Variants in TMC5 observed in about 807,000 individuals in gnomAD.
The protein encoded by TMC5 is transmembrane channel-like protein 5.
Under a neutral mutation model 110.5 loss-of-function variants are expected in TMC5, and 86 were observed. That is an observed-to-expected ratio of 0.78 (90% confidence interval 0.65 to 0.93). TMC5 has a LOEUF of 0.93. Among genes scored for constraint, TMC5 ranks in the 40% least tolerant of loss-of-function variants. The pLI is 0.00. For missense variants in TMC5, 1,144 were observed against 1,222.8 expected (o/e 0.94, Z 0.96); for synonymous variants, 455 against 439.5 (o/e 1.04, Z -0.44).
At chr16:19,489,534 C>T (rs1968832865) in intron 17 of TMC5, among the ~76,000 whole-genome samples, 1 of 151,980 alleles carries the variant, frequency 6.6e-6, no homozygotes, top group South Asian at 2.1e-4. Context: ...CAGGGTTTCA[C>T]CGTGTTAGCC....
upstream of TMC5, among the ~76,000 whole-genome samples, chr16:19,416,074 G>T (rs891925982): frequency 1.3e-5 from 2 of 152,022 alleles, no homozygotes; most frequent in Non-Finnish European, 2.9e-5. Flanking sequence ...TCACCTCCTT[G>T]GGAGGCTGAG....
intron 10 of TMC5, among the ~76,000 whole-genome samples, chr16:19,471,193 A>G (rs1968332471): frequency 6.6e-6 from 1 of 152,026 alleles, no homozygotes; most frequent in East Asian, 1.9e-4. Context: ...GGATCCAGTT[A>G]GCCTCTCCCA....
intron 5 of TMC5, among the ~76,000 whole-genome samples, chr16:19,452,948 A>G (rs965219543): frequency 2.6e-5 from 4 of 151,818 alleles, no homozygotes; most frequent in Admixed American, 6.6e-5. Flanking sequence ...TTCTAACATT[A>G]TAACAAGGGC....
At chr16:19,491,075 G>T (rs1968893469) in intron 18 of TMC5, among the ~76,000 whole-genome samples, 1 of 151,242 alleles carries the variant, frequency 6.6e-6, no homozygotes, top group Non-Finnish European at 1.5e-5. Flanking sequence ...TAGCGGCATG[G>T]TCATGGCTTG....
At chr16:19,495,481 C>T (rs1259330444) in intron 20 of TMC5, among the ~76,000 whole-genome samples, 4 of 152,064 alleles carry the variant, frequency 2.6e-5, no homozygotes, top group African/African-American at 4.8e-5. Context: ...ATATCTTGAA[C>T]GATGTTTAAT....
At chr16:19,438,409 G>GAA (rs370741264) in intron 2 of TMC5, among the ~76,000 whole-genome samples, 2 of 50,146 alleles carry the variant, frequency 4.0e-5, no homozygotes, top group South Asian at 1.2e-3. Flanking sequence ...AAAAAAAAAA[G>GAA]AAGAAAGAAA....
At chr16:19,441,921 A>G (rs962398362) in intron 3 of TMC5, among the ~76,000 whole-genome samples, 4 of 152,176 alleles carry the variant, frequency 2.6e-5, no homozygotes, top group African/African-American at 9.7e-5. Flanking sequence ...CTCCTACCTC[A>G]GTCTCCTGAG....
chr16:19,479,073 C>T (rs1968553862), intron 13 of TMC5, among the ~76,000 whole-genome samples: 1 of 152,166 alleles, frequency 6.6e-6, no homozygotes, highest in Non-Finnish European at 1.5e-5. Flanking sequence ...CATTCTTAGC[C>T]ATTGGCACTT....
chr16:19,434,442 T>G (rs1005954300), intron 2 of TMC5, among the ~76,000 whole-genome samples: 3 of 124,700 alleles, frequency 2.4e-5, no homozygotes, highest in Non-Finnish European at 4.8e-5. Context: ...ATATCATATA[T>G]ATCTATTATA....
chr16:19,431,490 C>T (rs1197412947), intron 2 of TMC5, among the ~76,000 whole-genome samples: 4 of 150,880 alleles, frequency 2.7e-5, no homozygotes, highest in Admixed American at 1.3e-4. Context: ...TGCTGTGAGC[C>T]GAGATCGTGC....
chr16:19,439,530 TTCTC>T (rs1167158311), intron 2 of TMC5, among the ~76,000 whole-genome samples: 2 of 152,192 alleles, frequency 1.3e-5, no homozygotes, highest in African/African-American at 2.4e-5. Context: ...ATAATTTTAT[TTCTC>T]TCTCACATAA....
chr16:19,469,813 C>T lies in TMC5; in HGVS notation c.1770C>T (p.Ser590=). 6.2e-7 allele frequency: 1 copy of T among 1,614,070 alleles called. No individual in the cohort carries two copies. The highest frequency in any genetic ancestry group is 8.5e-7 in the Non-Finnish European group (1 of 1,179,964). ...KAVKLKQKNL[S]TEIRENLSEL... ...TGAAGCTAAAACAGAAGAATCTTAGCACTGAGATAAGGGTAAGGCGAGCTC... is the reference window on the plus strand; with the variant it reads ...TGAAGCTAAAACAGAAGAATCTTAGTACTGAGATAAGGGTAAGGCGAGCTC... The change falls in exon 10 of 22, where the codon AGC becomes AGT. Residue 590 remains serine, a synonymous_variant. Transcript: ENST00000542583.
chr16:19,493,445 G>GTCTCTCTC (rs758091886), intron 19 of TMC5, among the ~76,000 whole-genome samples: 5 of 58,306 alleles, frequency 8.6e-5, no homozygotes, highest in African/African-American at 2.6e-4. Flanking sequence ...TTTGGTTAAT[G>GTCTCTCTC]TCTCTCTCTC....
chr16:19,446,823 C>A (rs1471843303), intron 4 of TMC5, among the ~76,000 whole-genome samples: 1 of 152,184 alleles, frequency 6.6e-6, no homozygotes, highest in African/African-American at 2.4e-5. Context: ...GTATAGCTCA[C>A]TTCTCTGGGA....
At chr16:19,416,236 CT>C (rs1480563611), upstream of TMC5, among the ~76,000 whole-genome samples, 2 of 150,778 alleles carry the variant, frequency 1.3e-5, no homozygotes, top group African/African-American at 4.9e-5. Flanking sequence ...CCAATACTTT[CT>C]GTGAATTATA....
intron 12 of TMC5, among the ~76,000 whole-genome samples, chr16:19,475,123 A>T (rs1018569714): frequency 1.3e-5 from 2 of 152,180 alleles, no homozygotes; most frequent in Non-Finnish European, 2.9e-5. Flanking sequence ...GGTGGGGTTT[A>T]TAAGTACAGG....
chr16:19,422,625 C>T (rs1405369807), intron 1 of TMC5, among the ~76,000 whole-genome samples: 4 of 152,022 alleles, frequency 2.6e-5, no homozygotes, highest in Admixed American at 1.3e-4. Flanking sequence ...TGAGCCCAGG[C>T]ATTAGAAATC....
Position 19,479,435 on chromosome 16 carries a change from G to A in TMC5, c.2174G>A (p.Trp725Ter). The A allele has an allele frequency of 6.2e-7, 1 of 1,613,576 alleles. No individual in the cohort carries two copies. The highest frequency in any genetic ancestry group is 1.7e-5 in the Admixed American group (1 of 59,996). Residue 725 changes from tryptophan (W) to a stop codon, truncating the protein, a stop_gained, in exon 14 of 22, where the codon TGG (tryptophan) becomes TAG (stop). Transcript: ENST00000542583. LOFTEE classifies it high-confidence loss of function. Reference protein sequence around the residue: ...NTVALSGEECWETLIGQDIYR... With the variant: ...NTVALSGEEC ...TGACTCTTGTTTGCCTTCCAGTGTTGGGAAACCCTCATTGGCCAGGACATC... is the reference window on the plus strand; with the variant it reads ...TGACTCTTGTTTGCCTTCCAGTGTTAGGAAACCCTCATTGGCCAGGACATC...
At chr16:19,497,711 A>G (rs1204999339) in intron 21 of TMC5, among the ~76,000 whole-genome samples, 1 of 152,182 alleles carries the variant, frequency 6.6e-6, no homozygotes, top group African/African-American at 2.4e-5. Context: ...TGGGCAGGAA[A>G]CAAACAAGCA....
Sources: allele counts gnomAD v4.1 joint callset (sites outside exome capture counted in the v4.1 genomes callset), GRCh38; gene constraint gnomAD v4.1.1; transcripts MANE v1.5; gene names NCBI Gene and HGNC (gene_info 2026-07-23, HGNC 2026-07-21).